The following CAMK4 variants were observed in gnomAD, a reference collection of about 807,000 sequenced individuals.
The protein encoded by CAMK4 is calcium/calmodulin dependent protein kinase IV.
Under a neutral mutation model 44.9 loss-of-function variants are expected in CAMK4, and 22 were observed. The ratio of observed to expected loss-of-function variants is 0.49; its 90% CI spans 0.35 to 0.70. The LOEUF (loss-of-function observed/expected upper bound fraction) is 0.70. CAMK4 is among the 30% of genes least tolerant of loss of function. The pLI is 0.01. For synonymous variants in CAMK4, 218 were observed against 215.4 expected (o/e 1.01, Z -0.11); for missense variants, 498 against 586.8 (o/e 0.85, Z 1.56).
intron 7 of CAMK4, among the ~76,000 whole-genome samples, chr5:111,462,859 G>A (rs1325469606): frequency 6.6e-6 from 1 of 152,158 alleles, no homozygotes; most frequent in Non-Finnish European, 1.5e-5. Context: ...CCAATCTCTA[G>A]AGGGATACTC....
At chr5:111,468,267 C>T (rs1754918521) in intron 7 of CAMK4, among the ~76,000 whole-genome samples, 1 of 152,032 alleles carries the variant, frequency 6.6e-6, no homozygotes, top group Non-Finnish European at 1.5e-5. Context: ...GAAATCCCCA[C>T]TAAAGAAATT....
intron 1 of CAMK4, among the ~76,000 whole-genome samples, chr5:111,331,003 A>G (rs1749144328): frequency 1.3e-5 from 2 of 151,794 alleles, no homozygotes; most frequent in African/African-American, 4.8e-5. Context: ...ATAAAAGTTA[A>G]AACTAGAAAA....
At chr5:111,396,758 A>G (rs1164419180) in intron 5 of CAMK4, among the ~76,000 whole-genome samples, 1 of 145,224 alleles carries the variant, frequency 6.9e-6, no homozygotes, top group East Asian at 2.0e-4. Context: ...CTCCTGCCTC[A>G]GCCTCCCAAG....
intron 5 of CAMK4, among the ~76,000 whole-genome samples, chr5:111,418,210 G>C (rs893516490): frequency 6.6e-6 from 1 of 152,286 alleles, no homozygotes; most frequent in Admixed American, 6.5e-5. Flanking sequence ...AGTAGGTTCC[G>C]TGATGCCCCA....
At chr5:111,442,850 C>G (rs1753876831) in intron 5 of CAMK4, among the ~76,000 whole-genome samples, 1 of 149,372 alleles carries the variant, frequency 6.7e-6, no homozygotes, top group Non-Finnish European at 1.5e-5. Context: ...TAAGCAATGT[C>G]ATGAGCTTAT....
chr5:111,479,394 A>T (rs202172623), intron 9 of CAMK4, among the ~76,000 whole-genome samples: 2 of 58,884 alleles, frequency 3.4e-5, no homozygotes, highest in African/African-American at 7.8e-5. Context: ...CCTTCTGGGG[A>T]GGTCACTCAC....
chr5:111,299,528 A>T (rs1490053598), intron 1 of CAMK4, among the ~76,000 whole-genome samples: 1 of 152,282 alleles, frequency 6.6e-6, no homozygotes, highest in African/African-American at 2.4e-5. Flanking sequence ...AAGGCAAAGC[A>T]TCTCATTAAT....
At position 111,479,578 on chromosome 5, in the gene CAMK4, A is replaced by G. The variant is rs59749444; in HGVS notation, c.828+1071A>G. Among the ~76,000 whole-genome samples the G allele has an allele frequency of 2.8e-3, 432 of 152,298 alleles. 9 individuals are homozygous for G. In the East Asian group the frequency reaches 0.057, roughly 20 times the overall value. On this transcript the variant is annotated intron_variant, in intron 9 of 10. Coordinates refer to ENST00000282356, the MANE Select transcript of CAMK4 (RefSeq NM_001744.6). ...CTCTCATTTTAAAGATGAGAATGCTAAAGACCAGAGAGGTGAAATGACTGC... is the reference window on the plus strand; with the variant it reads ...CTCTCATTTTAAAGATGAGAATGCTGAAGACCAGAGAGGTGAAATGACTGC...
intron 1 of CAMK4, among the ~76,000 whole-genome samples, chr5:111,276,151 C>CA (rs1561379720): frequency 2.6e-5 from 4 of 152,162 alleles, no homozygotes; most frequent in African/African-American, 9.7e-5. Flanking sequence ...CTGAAGCATT[C>CA]CCTCCAGTCT....
At chr5:111,397,035 A>G (rs1415559956) in intron 5 of CAMK4, among the ~76,000 whole-genome samples, 2 of 152,166 alleles carry the variant, frequency 1.3e-5, no homozygotes, top group Non-Finnish European at 2.9e-5. Flanking sequence ...GCAATTTTAT[A>G]CTTTTCTTAA....
intron 5 of CAMK4, among the ~76,000 whole-genome samples, chr5:111,443,279 TACACACAC>T (rs60644060): frequency 0.024 from 905 of 37,392 alleles, 22 homozygotes; most frequent in African/African-American, 0.053. Flanking sequence ...TATATATATA[TACACACAC>T]ACACACACAC....
intron 4 of CAMK4, among the ~76,000 whole-genome samples, chr5:111,380,163 A>C (rs1393917950): frequency 6.6e-6 from 1 of 152,148 alleles, no homozygotes; most frequent in Non-Finnish European, 1.5e-5. Flanking sequence ...CTCAAAAATG[A>C]CTATATTTTA....
rs139637098 is a variant in CAMK4, at chr5:111,289,737, A to G, written c.162-54287A>G. 3.6e-3 allele frequency among the ~76,000 whole-genome samples: 554 copies of G among 152,312 alleles called. 4 individuals are homozygous for G. The highest frequency in any genetic ancestry group is 0.013 in the African/African-American group (527 of 41,570). ...AGATGCCTTGCTTTTTTGTTGGCCT[A>G]TAACTGCCAAAGTTGCTCATTCACC... On this transcript the variant is annotated intron_variant, in intron 1 of 10. Transcript: ENST00000282356.
intron 7 of CAMK4, among the ~76,000 whole-genome samples, chr5:111,459,099 A>G (rs1754542523): frequency 6.6e-6 from 1 of 152,216 alleles, no homozygotes; most frequent in South Asian, 2.1e-4. Flanking sequence ...TTACCAGCAT[A>G]TAGACGGTAT....
chr5:111,420,034 A>C (rs901706520), intron 5 of CAMK4, among the ~76,000 whole-genome samples: 1 of 151,958 alleles, frequency 6.6e-6, no homozygotes, highest in African/African-American at 2.4e-5. Flanking sequence ...TACCTTGGGC[A>C]GTATGGCCAT....
intron 1 of CAMK4, among the ~76,000 whole-genome samples, chr5:111,323,271 C>T (rs1273356899): frequency 4.6e-5 from 7 of 152,034 alleles, no homozygotes; most frequent in Admixed American, 4.6e-4. Flanking sequence ...GATATACAGA[C>T]AGTCCTATAC....
intron 2 of CAMK4, among the ~76,000 whole-genome samples, chr5:111,352,847 A>G (rs1422707456): frequency 6.6e-6 from 1 of 152,060 alleles, no homozygotes; most frequent in Non-Finnish European, 1.5e-5. Flanking sequence ...TTGAGGATCA[A>G]ATTTCCAATA....
chr5:111,427,876 G>C (rs1753288091), intron 5 of CAMK4, among the ~76,000 whole-genome samples: 1 of 152,266 alleles, frequency 6.6e-6, no homozygotes, highest in African/African-American at 2.4e-5. Context: ...TAGAGCCCCA[G>C]GGCCTTGAGT....
intron 4 of CAMK4, among the ~76,000 whole-genome samples, chr5:111,383,487 C>T (rs1424871395): frequency 6.6e-6 from 1 of 152,164 alleles, no homozygotes; most frequent in Non-Finnish European, 1.5e-5. Context: ...GGCCTTATTA[C>T]TCATGGCACA....
Sources: gnomAD v4.1 joint callset for allele counts (sites outside exome capture counted in the v4.1 genomes callset) on GRCh38, gnomAD v4.1.1 for gene constraint, MANE v1.5 for transcripts, NCBI Gene and HGNC (gene_info 2026-07-23, HGNC 2026-07-21) for gene names.